The following GPSM1 variants were observed in gnomAD, a reference collection of about 807,000 sequenced individuals.
GPSM1 encodes the protein G protein signaling modulator 1.
GPSM1 carries 48 observed loss-of-function variants against 70.5 expected under a neutral mutation model. The ratio of observed to expected loss-of-function variants is 0.68; its 90% confidence interval spans 0.54 to 0.87. The LOEUF (loss-of-function observed/expected upper bound fraction) is 0.87, where lower values mean the gene tolerates loss of function less well. Ranked by LOEUF, GPSM1 falls within the 40% of genes least tolerant of loss-of-function variation. GPSM1 has a pLI of 0.00. For synonymous variants in GPSM1, 416 were observed against 430.1 expected, an observed-to-expected ratio of 0.97 and a Z score of 0.41; for missense variants, 981 against 972.6, an observed-to-expected ratio of 1.01 and a Z score of -0.11.
intron 11 of GPSM1, chr9:136,354,905 G>T (rs528442315): frequency 2.0e-6 from 2 of 1,017,168 alleles, no homozygotes; most frequent in Non-Finnish European, 2.4e-6. Flanking sequence ...GGGATGTCTG[G>T]GAAGTGTTCC....
At chr9:136,357,732 T>G (rs1554773435) in intron 13 of GPSM1, among the ~76,000 whole-genome samples, 1 of 152,220 alleles carries the variant, frequency 6.6e-6, no homozygotes, top group East Asian at 1.9e-4. Context: ...CTCCTGGGCC[T>G]GGCACACCCA....
intron 6 of GPSM1, 44 bp from the exon 7 acceptor site, chr9:136,338,511 C>T: frequency 6.3e-7 from 1 of 1,577,020 alleles, no homozygotes; most frequent in South Asian, 1.1e-5. Flanking sequence ...CACCCCTCAC[C>T]CTGGAGCCCT....
intron 11 of GPSM1, chr9:136,354,984 G>A (rs1462698210): frequency 9.3e-7 from 1 of 1,080,158 alleles, no homozygotes; most frequent in Non-Finnish European, 1.1e-6. Flanking sequence ...TAGCACCCAT[G>A]AGAGGGGAGA....
In GPSM1 at chr9:136,343,759, C is replaced by T. The variant is rs2131404185; in HGVS notation, c.1207+2766C>T. Among the ~76,000 whole-genome samples, 1 of 152,326 alleles carries T rather than the reference C, an allele frequency of 6.6e-6. No individual in the cohort carries two copies. Among genetic ancestry groups the T allele is most frequent in the African/African-American group, 2.4e-5 (1 of 41,578 alleles). On this transcript the variant is annotated intron_variant, in intron 9 of 13. Coordinates refer to ENST00000440944, the MANE Select transcript of GPSM1 (RefSeq NM_001145638.3). The surrounding 1 kb of genome is among the most constrained non-coding windows in gnomAD (Gnocchi z 6.0). ...GGTGAGAGGCCAGCGAGCCTGAGGG[C>T]CCGTAAGCCTGTTGCGTTCGGGCCC...
At chr9:136,351,352 G>A (rs1038095739) in intron 11 of GPSM1, among the ~76,000 whole-genome samples, 7 of 152,142 alleles carry the variant, frequency 4.6e-5, no homozygotes, top group Non-Finnish European at 7.4e-5. Context: ...CCTGGAGGGA[G>A]GAGCAGGACT....
chr9:136,342,959 G>A lies in GPSM1; in HGVS notation c.1207+1966G>A, dbSNP rs1832431030. Among the ~76,000 whole-genome samples, 1 of 152,098 alleles carries A rather than the reference G, an allele frequency of 6.6e-6. No homozygotes were observed. Among genetic ancestry groups the A allele is most frequent in the Non-Finnish European group, 1.5e-5 (1 of 68,002 alleles). On this transcript the variant is annotated intron_variant, in intron 9 of 13. Coordinates refer to ENST00000440944, the MANE Select transcript of GPSM1 (RefSeq NM_001145638.3). The surrounding 1 kb of genome is among the most constrained non-coding windows in gnomAD (Gnocchi z 5.5). ...CGTGGTCCATGGGGGCGGTGGGCGT[G>A]GCAGAGGCTGGTGGGTTTGGTGTCC...
At chr9:136,354,586 G>T (rs909065285) in intron 11 of GPSM1, among the ~76,000 whole-genome samples, 1 of 152,242 alleles carries the variant, frequency 6.6e-6, no homozygotes, top group Admixed American at 6.5e-5. Flanking sequence ...AGCGCCGGTC[G>T]GGAGGTGGAC....
chr9:136,358,475 T>C lies in GPSM1; in HGVS notation c.*255T>C. Reference sequence around the variant, plus strand: ...CGCAGGCCGGACGGGGCCTTCGGCATGTCGGCCCCGACCTGGTGCTGTCAG... The same window carrying C: ...CGCAGGCCGGACGGGGCCTTCGGCACGTCGGCCCCGACCTGGTGCTGTCAG... On this transcript the variant is annotated 3_prime_UTR_variant, in exon 14 of 14. Coordinates refer to ENST00000440944, the MANE Select transcript of GPSM1 (RefSeq NM_001145638.3). The C allele has an allele frequency of 3.6e-6, 2 of 552,794 alleles. No individual in the cohort carries two copies. The highest frequency in any genetic ancestry group is 6.3e-6 in the Non-Finnish European group (2 of 317,144). 34.2% of individuals were successfully genotyped at this position (552,794 alleles called of 1,614,324 possible).
chr9:136,345,076 G>A (rs1382465049), intron 9 of GPSM1, among the ~76,000 whole-genome samples: 3 of 152,224 alleles, frequency 2.0e-5, no homozygotes, highest in Non-Finnish European at 4.4e-5. Flanking sequence ...AGAGGTGGGC[G>A]TGAAGGAACC....
rs1554771783 is a variant in GPSM1 at position 136,349,773 on chromosome 9, T to C, written c.1455+10T>C. On this transcript the variant is annotated intron_variant, in intron 11 of 13. Coordinates refer to ENST00000440944, the MANE Select transcript of GPSM1 (RefSeq NM_001145638.3). ...GCACGTGCCACGCACGGTAGGCGTC[T>C]TTGACGGCAGATCCAGGCCGAGAGG... 1 of 1,562,244 alleles carries C rather than the reference T, an allele frequency of 6.4e-7. No individual in the cohort carries two copies.
At position 136,334,683 on chromosome 9, in the gene GPSM1, T is replaced by TCCTGCTGGCGGGTGAGTGGGGCGGC. The variant is rs1832186471; in HGVS notation, c.290+26_290+50dup. 16 of 1,581,100 alleles carry TCCTGCTGGCGGGTGAGTGGGGCGGC rather than the reference T, an allele frequency of 1.0e-5. No homozygotes were observed. Among genetic ancestry groups the TCCTGCTGGCGGGTGAGTGGGGCGGC allele is most frequent in the Admixed American group, 5.1e-5 (3 of 59,242 alleles). ...CTGCTGGCGCGGTGAGTGGGGACGG[T>TCCTGCTGGCGGGTGAGTGGGGCGGC]CCTGCTGGCGGGTGAGTGGGGCGGC... On this transcript the variant is annotated intron_variant, in intron 2 of 13. Transcript: ENST00000440944.
chr9:136,340,945 A>G lies in GPSM1; in HGVS notation c.1159A>G (p.Ser387Gly), dbSNP rs1554770140. 1 of 1,564,042 alleles carries G rather than the reference A, an allele frequency of 6.4e-7. No homozygotes were observed. The highest frequency in any genetic ancestry group is 8.7e-7 in the Non-Finnish European group (1 of 1,155,194). The change falls in exon 9 of 14, where the codon AGC (serine) becomes GGC (glycine). Residue 387 changes from serine (S) to glycine (G), a missense_variant. Physicochemically the swap from Ser to Gly is moderately conservative, Grantham distance 56. Coordinates refer to ENST00000440944, the MANE Select transcript of GPSM1 (RefSeq NM_001145638.3). This position sits in a 1 kb window ranked among gnomAD's most constrained non-coding sequence, Gnocchi z 7.3. ...GCAGCTGGTGCTCGGCCGCCTGACC[A>G]GCCCGGCAGCCTCAGAGAAGCCTGA... is the stretch of plus-strand genomic sequence containing the variant. The part of the protein sequence containing the change: ...QLQLVLGRLT[S>G]PAASEKPDLA...
chr9:136,356,680 G>A, intron 13 of GPSM1, 130 bp downstream of exon 13: 1 of 670,010 alleles, frequency 1.5e-6, no homozygotes, highest in East Asian at 2.8e-5. Context: ...AGGGACTCCT[G>A]GGGGACTCAG....
rs782393799 is a variant in GPSM1 at position 136,341,011 on chromosome 9, G to A, written c.1207+18G>A. 1.3e-6 allele frequency: 2 copies of A among 1,562,254 alleles called. No homozygotes were observed. Among genetic ancestry groups the A allele is most frequent in the East Asian group, 2.4e-5 (1 of 41,930 alleles). On this transcript the variant is annotated intron_variant, in intron 9 of 13. Transcript: ENST00000440944. This position sits in a 1 kb window ranked among gnomAD's most constrained non-coding sequence, Gnocchi z 6.7. The stretch of plus-strand genomic sequence containing the variant: ...GGCCCAGGGTGAGTTCCAGGGTTGT[G>A]GGGGGGTCTTGCTCCCCACAGGCAC...
chr9:136,348,483 C>T (rs782715725), intron 9 of GPSM1, among the ~76,000 whole-genome samples: 11 of 152,206 alleles, frequency 7.2e-5, no homozygotes, highest in African/African-American at 1.4e-4. Flanking sequence ...CCAGCCAGGA[C>T]GCGCTCTGTC....
intron 1 of GPSM1, among the ~76,000 whole-genome samples, chr9:136,329,411 C>T (rs4074593): frequency 0.098 from 14,915 of 152,230 alleles, 1,038 homozygotes; most frequent in Admixed American, 0.18. Context: ...GTGGAAGCTG[C>T]GGGCCAGACG....
intron 11 of GPSM1, 39 bp from the exon 12 acceptor site, chr9:136,355,651 G>C (rs782003582): frequency 6.2e-7 from 1 of 1,600,430 alleles, no homozygotes; most frequent in Non-Finnish European, 8.5e-7. Context: ...GGGGTCTGCG[G>C]GGCTAGCTTT....
rs1832884992 is a variant in GPSM1, at chr9:136,358,011, C to G, written c.1822-3C>G. ...GGCCGCCAACTGCACTGTGTCCACC[C>G]AGTCCTCCAGGATCGATGACCAGCG... On this transcript the variant is annotated splice_polypyrimidine_tract_variant and splice_region_variant and intron_variant, in intron 13 of 13. Coordinates refer to ENST00000440944, the MANE Select transcript of GPSM1 (RefSeq NM_001145638.3). The G allele has an allele frequency of 6.2e-7, 1 of 1,611,774 alleles. No homozygotes were observed. The highest frequency in any genetic ancestry group is 1.3e-5 in the African/African-American group (1 of 75,010).
At position 136,341,204 on chromosome 9, in the gene GPSM1, C is replaced by T; in HGVS notation, c.1207+211C>T. On this transcript the variant is annotated intron_variant, in intron 9 of 13. Transcript: ENST00000440944. The surrounding 1 kb of genome is among the most constrained non-coding windows in gnomAD (Gnocchi z 6.7). Reference sequence around the variant, plus strand: ...CCCACCCGCATCCTGAGTGGCGCTGCAGGGCTGCTGGATGAAGGACAGGAG... The same window carrying T: ...CCCACCCGCATCCTGAGTGGCGCTGTAGGGCTGCTGGATGAAGGACAGGAG... 6.5e-7 allele frequency: 1 copy of T among 1,540,484 alleles called. No individual in the cohort carries two copies. The highest frequency in any genetic ancestry group is 1.4e-5 in the African/African-American group (1 of 72,822).
Sources: allele counts gnomAD v4.1 joint callset (sites outside exome capture counted in the v4.1 genomes callset), GRCh38; gene constraint gnomAD v4.1.1; non-coding constraint Gnocchi (gnomAD v3.1); transcripts MANE v1.5; gene names NCBI Gene and HGNC (gene_info 2026-07-23, HGNC 2026-07-21).